Variants in RUFY3 observed in about 807,000 individuals in gnomAD.
RUFY3 encodes the protein RUN and FYVE domain containing 3.
In RUFY3, 34 loss-of-function variants were observed where a neutral mutation model predicts 84.0. The ratio of observed to expected loss-of-function variants is 0.40; its 90% CI spans 0.31 to 0.54. RUFY3 has a LOEUF of 0.54. RUFY3 is among the 20% of genes least tolerant of loss of function. The probability of loss-of-function intolerance (pLI) is 0.39; values close to 1 mark genes in which losing one functional copy is unlikely to be tolerated. For synonymous variants in RUFY3, 242 were observed against 252.9 expected (o/e 0.96, Z 0.41); for missense variants, 507 against 736.8 (o/e 0.69, Z 3.61).
At chr4:70,727,354 C>CTTTTTTTT (rs762253929) in intron 1 of RUFY3, among the ~76,000 whole-genome samples, 7 of 118,232 alleles carry the variant, frequency 5.9e-5, no homozygotes, top group Non-Finnish European at 1.0e-4. Flanking sequence ...AAAGTAATAA[C>CTTTTTTTT]TTTTTTTTTT....
chr4:70,740,881 CA>C (rs1429438842), intron 1 of RUFY3, among the ~76,000 whole-genome samples: 4 of 152,052 alleles, frequency 2.6e-5, no homozygotes, highest in African/African-American at 4.8e-5. Context: ...GCATTTTTCA[CA>C]AATTTGCCTG....
intron 8 of RUFY3, among the ~76,000 whole-genome samples, chr4:70,780,715 A>G (rs1728773762): frequency 1.3e-5 from 2 of 152,252 alleles, no homozygotes; most frequent in South Asian, 2.1e-4. Flanking sequence ...AAATGATTTA[A>G]TACATGATTA....
chr4:70,799,159 AAAG>A (rs1333076913), intron 14 of RUFY3, among the ~76,000 whole-genome samples: 29 of 151,948 alleles, frequency 1.9e-4, no homozygotes, highest in Non-Finnish European at 5.9e-5. Flanking sequence ...AAAAAAAAAA[AAAG>A]AGAAAAGAAA....
At chr4:70,798,978 T>C (rs776019001) in intron 14 of RUFY3, among the ~76,000 whole-genome samples, 1 of 148,682 alleles carries the variant, frequency 6.7e-6, no homozygotes, top group Non-Finnish European at 1.5e-5. Context: ...GGTGAAACCC[T>C]GTCTCTACTA....
upstream of RUFY3, chr4:70,704,440 G>A (rs554985645): frequency 1.3e-5 from 2 of 152,690 alleles, no homozygotes; most frequent in East Asian, 1.9e-4. Flanking sequence ...TCGTGCTACC[G>A]ATAAAGTTGG....
At position 70,789,528 on chromosome 4, in the gene RUFY3, C is replaced by G. The variant is rs1174623125; in HGVS notation, c.1273C>G (p.Leu425Val). 8 of 1,612,790 alleles carry G rather than the reference C, an allele frequency of 5.0e-6. No homozygotes were observed. Among genetic ancestry groups the G allele is most frequent in the Non-Finnish European group, 6.8e-6 (8 of 1,179,244 alleles). Residue 425 changes from leucine (L) to valine (V), a missense_variant, in exon 12 of 18, where the codon CTA (leucine) becomes GTA (valine). Leu to Val is a conservative substitution (Grantham distance 32). Around this residue, in one of 4 missense-constraint regions of RUFY3, gnomAD observed 334 missense variants for 364.1 expected, o/e 0.92. Transcript: ENST00000381006. Reference sequence around the variant, plus strand: ...CTTAGGAGTAAAACAGAAAAGTGAACTAAACAGTCGCTTGGAAGAGAAGAC... The same window carrying G: ...CTTAGGAGTAAAACAGAAAAGTGAAGTAAACAGTCGCTTGGAAGAGAAGAC... ...SDLGVKQKSE[L>V]NSRLEEKTNQ...
Position 70,778,581 on chromosome 4 carries a change from T to G in RUFY3, c.894+143T>G, listed in dbSNP as rs893075388. On this transcript the variant is annotated intron_variant, in intron 8 of 17. Transcript: ENST00000381006. ...GTACATAACTTCTTATTCTTTTTTT[T>G]TTTTTTTTTTTTTTTGAGATGGAGT... 4 of 455,442 alleles carry G rather than the reference T, an allele frequency of 8.8e-6. No individual in the cohort carries two copies. The East Asian group carries it at 2.3e-4, about 26-fold the overall frequency. The allele number at this position is 455,442 out of a possible 1,614,324, so 28.2% of individuals were successfully genotyped here.
At position 70,765,411 on chromosome 4, in the gene RUFY3, G is replaced by C. The variant is rs373564371; in HGVS notation, c.572+835G>C. ...AGAGGTGGGGGTAGAGATTGGAAGA[G>C]AGAAAGAATCCGATTTCTAGGATTT... On this transcript the variant is annotated intron_variant, in intron 4 of 17. Transcript: ENST00000381006. 7.9e-5 allele frequency among the ~76,000 whole-genome samples: 12 copies of C among 152,180 alleles called. No individual in the cohort carries two copies. In the East Asian group the frequency reaches 9.7e-4, roughly 12 times the overall value.
chr4:70,754,559 A>G (rs1272124603), intron 1 of RUFY3, among the ~76,000 whole-genome samples: 1 of 151,726 alleles, frequency 6.6e-6, no homozygotes, highest in Non-Finnish European at 1.5e-5. Flanking sequence ...TGAGGATAGA[A>G]TAAAAGTTCA....
At chr4:70,792,832 C>T in intron 12 of RUFY3, 1 of 985,366 alleles carries the variant, frequency 1.0e-6, no homozygotes, top group Non-Finnish European at 1.2e-6. Context: ...AGTGGAAGAT[C>T]CTGTGCTCTT....
chr4:70,802,915 G>C, intron 15 of RUFY3, 41 bp from the exon 16 acceptor site: 1 of 1,480,382 alleles, frequency 6.8e-7, no homozygotes, highest in Non-Finnish European at 9.3e-7. Flanking sequence ...GAAAATACAT[G>C]AAGTTCCTAT....
intron 8 of RUFY3, among the ~76,000 whole-genome samples, chr4:70,781,825 A>C (rs1728975186): frequency 1.3e-5 from 2 of 152,226 alleles, no homozygotes; most frequent in Non-Finnish European, 2.9e-5. Flanking sequence ...AGCCTGGCTG[A>C]GAGGAGCCTG....
At chr4:70,705,279 G>T in exon 1 of RUFY3, 1 of 1,430,626 alleles carries the variant, frequency 7.0e-7, no homozygotes, top group Non-Finnish European at 9.1e-7. Flanking sequence ...CGGCAGCAGC[G>T]GCAGCGGCAA....
upstream of RUFY3, among the ~76,000 whole-genome samples, chr4:70,720,528 C>A (rs1165623103): frequency 1.8e-5 from 2 of 108,330 alleles, no homozygotes; most frequent in Non-Finnish European, 3.9e-5. Flanking sequence ...AGTTTCTCTA[C>A]AGAATTTGAT....
intron 12 of RUFY3, chr4:70,791,093 A>G (rs1468026211): frequency 2.9e-6 from 2 of 697,044 alleles, no homozygotes; most frequent in Non-Finnish European, 4.8e-6. Flanking sequence ...TGGAATTTAA[A>G]GCAAACAGAA....
At chr4:70,791,872 C>G (rs1342641084) in intron 12 of RUFY3, 1 of 985,072 alleles carries the variant, frequency 1.0e-6, no homozygotes, top group Non-Finnish European at 1.2e-6. Flanking sequence ...TCTCAGTAAC[C>G]AAGATTGCTT....
At chr4:70,762,496 A>G in intron 1 of RUFY3, 23 bp from the exon 2 acceptor site, 1 of 1,586,406 alleles carries the variant, frequency 6.3e-7, no homozygotes, top group East Asian at 2.3e-5. Context: ...ACCAGCCTTC[A>G]TCTTCTTCCC....
chr4:70,773,733 G>A (rs927865281), intron 6 of RUFY3, among the ~76,000 whole-genome samples, 161 bp downstream of exon 6: 12 of 151,978 alleles, frequency 7.9e-5, no homozygotes, highest in African/African-American at 2.4e-4. Context: ...TGACTATTAC[G>A]CCTACCTCTA....
intron 1 of RUFY3, among the ~76,000 whole-genome samples, chr4:70,743,386 T>C (rs536841874): frequency 6.6e-6 from 1 of 152,154 alleles, no homozygotes; most frequent in Non-Finnish European, 1.5e-5. Flanking sequence ...ATCATTATTA[T>C]TAATTATTGG....
Sources: gnomAD v4.1 joint callset for allele counts (sites outside exome capture counted in the v4.1 genomes callset) on GRCh38, gnomAD v4.1.1 for gene constraint, gnomAD v4.1.1 regional missense constraint, MANE v1.5 for transcripts, NCBI Gene and HGNC (gene_info 2026-07-23, HGNC 2026-07-21) for gene names.